PPP4R4: variants seen among roughly 807,000 people sequenced by gnomAD.
PPP4R4 encodes protein phosphatase 4 regulatory subunit 4.
A neutral mutation model predicts 121.8 loss-of-function variants in PPP4R4; 70 were observed. That is an observed-to-expected ratio of 0.57 (90% CI 0.47 to 0.70). The LOEUF (loss-of-function observed/expected upper bound fraction) is 0.70. PPP4R4 is among the 30% of genes least tolerant of loss of function. The pLI is 0.00. For missense variants in PPP4R4, 875 were observed against 1,033.6 expected, an observed-to-expected ratio of 0.85 and a Z score of 2.10; for synonymous variants, 348 against 355.7, an observed-to-expected ratio of 0.98 and a Z score of 0.24.
chr14:94,270,930 AAC>A (rs1894291190), intron 23 of PPP4R4, among the ~76,000 whole-genome samples: 1 of 142,240 alleles, frequency 7.0e-6, no homozygotes, highest in Non-Finnish European at 1.5e-5. Flanking sequence ...AAAAAAAAAC[AAC>A]AACAACAACA....
intron 23 of PPP4R4, among the ~76,000 whole-genome samples, chr14:94,267,892 T>C (rs1412151708): frequency 6.6e-6 from 1 of 152,206 alleles, no homozygotes; most frequent in Non-Finnish European, 1.5e-5. Flanking sequence ...GAGGAATGTA[T>C]ATACTCATTG....
At chr14:94,182,498 T>C (rs977448402) in intron 2 of PPP4R4, among the ~76,000 whole-genome samples, 4 of 152,194 alleles carry the variant, frequency 2.6e-5, no homozygotes, top group African/African-American at 9.7e-5. Context: ...TTACCTGATT[T>C]TGCACTTTAT....
Position 94,233,702 on chromosome 14 carries a change from C to A in PPP4R4, c.566C>A (p.Ser189Tyr), listed in dbSNP as rs761641862. 72 of 1,606,416 alleles carry A rather than the reference C, an allele frequency of 4.5e-5. No individual in the cohort carries two copies. Among genetic ancestry groups the A allele is most frequent in the Admixed American group, 1.2e-4 (7 of 59,372 alleles). The change falls in exon 6 of 25, where the codon TCT becomes TAT. Residue 189 changes from serine (S) to tyrosine (Y), a missense_variant. Coordinates refer to ENST00000304338, the MANE Select transcript of PPP4R4 (RefSeq NM_058237.2). ...SKAQLSQTVQ[S>Y]RLVSCKILGK... ...GCACAACTTTCCCAAACAGTCCAGT[C>A]TCGTTTAGTTAGTTGTAAAATTTTA... is the stretch of plus-strand genomic sequence containing the variant.
At chr14:94,181,939 A>C (rs1450975067) in intron 2 of PPP4R4, among the ~76,000 whole-genome samples, 2 of 152,240 alleles carry the variant, frequency 1.3e-5, no homozygotes, top group East Asian at 3.8e-4. Context: ...CAACTCAATT[A>C]GTGAGAGTGG....
intron 19 of PPP4R4, among the ~76,000 whole-genome samples, chr14:94,259,736 A>G (rs1403953203): frequency 1.3e-5 from 2 of 152,278 alleles, no homozygotes; most frequent in African/African-American, 2.4e-5. Context: ...CCAACAACCA[A>G]TGATATAGTT....
chr14:94,193,874 C>G (rs1889728297), intron 2 of PPP4R4, among the ~76,000 whole-genome samples: 1 of 152,128 alleles, frequency 6.6e-6, no homozygotes, highest in South Asian at 2.1e-4. Flanking sequence ...ATTTATGAAG[C>G]CTTTACCGTG....
intron 7 of PPP4R4, among the ~76,000 whole-genome samples, chr14:94,237,216 T>C (rs1179474514): frequency 6.6e-6 from 1 of 152,144 alleles, no homozygotes; most frequent in East Asian, 1.9e-4. Flanking sequence ...CAGTTACTAC[T>C]GATAAGTTTT....
chr14:94,260,100 C>T (rs1364612535), intron 19 of PPP4R4, among the ~76,000 whole-genome samples: 2 of 152,000 alleles, frequency 1.3e-5, no homozygotes, highest in Non-Finnish European at 2.9e-5. Flanking sequence ...ATTTGTATGG[C>T]ATGCTTAACT....
chr14:94,246,501 C>T lies in PPP4R4; in HGVS notation c.1573C>T (p.Arg525Cys), dbSNP rs369442782. ...HVISSDQIYYRFLQRMFTIMM... is the reference protein window; with the variant it reads ...HVISSDQIYYCFLQRMFTIMM... ...CATATCAAGCGATCAGATTTATTAC[C>T]GTTTCTTACAAAGAATGTTCACAAT... Residue 525 changes from arginine to cysteine, a missense_variant, in exon 14 of 25, where the codon CGT (arginine) becomes TGT (cysteine). Coordinates refer to ENST00000304338, the MANE Select transcript of PPP4R4 (RefSeq NM_058237.2). The T allele has an allele frequency of 1.1e-4, 175 of 1,613,578 alleles. No homozygotes were observed. The highest frequency in any genetic ancestry group is 1.5e-4 in the Non-Finnish European group (172 of 1,179,790).
In PPP4R4 at chr14:94,174,333, C is replaced by T. The variant is rs1888534444; in HGVS notation, c.-133C>T. On this transcript the variant is annotated 5_prime_UTR_variant, in exon 1 of 25. Coordinates refer to ENST00000304338, the MANE Select transcript of PPP4R4 (RefSeq NM_058237.2). ...CGCCGGGCCGTGCTCTTGCTCCCGC[C>T]GCCTGGCAGCCTCACGCTCGGCTCC... 3.8e-6 allele frequency: 3 copies of T among 793,166 alleles called. No homozygotes were observed. Among genetic ancestry groups the T allele is most frequent in the African/African-American group, 1.8e-5 (1 of 54,868 alleles). The allele number at this position is 793,166 out of a possible 1,614,324, so 49.1% of individuals were successfully genotyped here.
chr14:94,227,324 G>GA, intron 3 of PPP4R4: 2 of 1,612,612 alleles, frequency 1.2e-6, no homozygotes, highest in Non-Finnish European at 1.7e-6. Context: ...AGAGAGTATG[G>GA]ATCTCACATA....
At chr14:94,177,470 G>T (rs896660215) in intron 2 of PPP4R4, among the ~76,000 whole-genome samples, 1 of 152,144 alleles carries the variant, frequency 6.6e-6, no homozygotes, top group African/African-American at 2.4e-5. Context: ...ATGAACAATA[G>T]ATGTCAACAT....
chr14:94,230,768 T>C, intron 4 of PPP4R4, 34 bp downstream of exon 4: 1 of 1,567,746 alleles, frequency 6.4e-7, no homozygotes, highest in Non-Finnish European at 8.7e-7. Context: ...TATATACTTG[T>C]TTATTGTTTT....
At chr14:94,257,642 T>TGCACAC (rs10528485) in intron 17 of PPP4R4, among the ~76,000 whole-genome samples, 9 of 146,984 alleles carry the variant, frequency 6.1e-5, no homozygotes, top group Admixed American at 6.1e-4. Flanking sequence ...CATTTAAATC[T>TGCACAC]ACACACACAC....
chr14:94,220,652 A>T (rs1040195673), intron 3 of PPP4R4, among the ~76,000 whole-genome samples: 1 of 152,216 alleles, frequency 6.6e-6, no homozygotes, highest in African/African-American at 2.4e-5. Flanking sequence ...GCATTAAAAT[A>T]AGTGATACTT....
rs148611314 is a variant in PPP4R4 at position 94,218,822 on chromosome 14, A to G, written c.294+10256A>G. On this transcript the variant is annotated intron_variant, in intron 3 of 24. Transcript: ENST00000304338. ...AAAAAGGATAATCTTGGAAGTAGCC[A>G]GAGACAAAGGTGACAATTGAACAGG... Among the ~76,000 whole-genome samples the G allele has an allele frequency of 2.9e-3, 447 of 152,256 alleles. 2 individuals carry two copies. Among genetic ancestry groups the G allele is most frequent in the African/African-American group, 0.01 (426 of 41,558 alleles).
chr14:94,207,385 A>T (rs188715533), intron 2 of PPP4R4, among the ~76,000 whole-genome samples: 37 of 152,134 alleles, frequency 2.4e-4, no homozygotes, highest in Non-Finnish European at 5.0e-4. Flanking sequence ...TTCATAGCTT[A>T]CCGTATAGCA....
rs112918205 is a variant in PPP4R4, at chr14:94,264,429, G to A, written c.2128-449G>A. Among the ~76,000 whole-genome samples, 997 of 152,160 alleles carry A rather than the reference G, an allele frequency of 6.6e-3. 18 individuals carry two copies. The highest frequency in any genetic ancestry group is 0.023 in the African/African-American group (940 of 41,528). ...GGCCTCCCAAAGTGCTGGGATTACT[G>A]GTGTGAGCCACTGTGCCCAGCCTCT... is the stretch of plus-strand genomic sequence containing the variant. On this transcript the variant is annotated intron_variant, in intron 19 of 24. Coordinates refer to ENST00000304338, the MANE Select transcript of PPP4R4 (RefSeq NM_058237.2).
intron 16 of PPP4R4, among the ~76,000 whole-genome samples, chr14:94,255,494 G>T (rs868294956): frequency 6.6e-6 from 1 of 152,006 alleles, no homozygotes; most frequent in Admixed American, 6.5e-5. Context: ...CCAGCTACTC[G>T]GGAGGCTGAG....
Sources: allele counts gnomAD v4.1 joint callset (sites outside exome capture counted in the v4.1 genomes callset), GRCh38; gene constraint gnomAD v4.1.1; transcripts MANE v1.5; gene names NCBI Gene and HGNC (gene_info 2026-07-23, HGNC 2026-07-21).